Variants in MTHFD2L observed in about 807,000 individuals in gnomAD.
MTHFD2L encodes methylenetetrahydrofolate dehydrogenase (NADP+ dependent) 2 like.
A neutral mutation model predicts 34.9 loss-of-function variants in MTHFD2L; 29 were observed. That is an observed-to-expected ratio of 0.83 (90% CI 0.62 to 1.13). MTHFD2L has a LOEUF of 1.13. Among genes scored for constraint, MTHFD2L ranks in the 50% most tolerant of loss-of-function variants. The pLI is 0.00. For missense variants in MTHFD2L, 481 were observed against 446.5 expected (o/e 1.08, Z -0.70); for synonymous variants, 167 against 155.7 (o/e 1.07, Z -0.54).
chr4:74,194,494 G>A (rs1379925399), intron 3 of MTHFD2L: 1 of 151,902 alleles, frequency 6.6e-6, no homozygotes, highest in Non-Finnish European at 1.5e-5. Flanking sequence ...TTTTACTGAA[G>A]TTTGCAGTTG....
At chr4:74,294,513 TTC>T (rs529229093) in intron 7 of MTHFD2L, among the ~76,000 whole-genome samples, 8 of 152,132 alleles carry the variant, frequency 5.3e-5, no homozygotes, top group East Asian at 1.9e-4. Context: ...ACCACGTACT[TTC>T]TGTTTTATTC....
At chr4:74,262,284 T>C (rs1040929422) in intron 6 of MTHFD2L, among the ~76,000 whole-genome samples, 3 of 151,802 alleles carry the variant, frequency 2.0e-5, no homozygotes, top group African/African-American at 7.3e-5. Context: ...AAATAAAAAT[T>C]ATTGGAGAAC....
chr4:74,174,899 C>T (rs1728733456), intron 2 of MTHFD2L, among the ~76,000 whole-genome samples: 2 of 152,036 alleles, frequency 1.3e-5, no homozygotes, highest in African/African-American at 2.4e-5. Context: ...GTTTTATATT[C>T]TATGGCAAGA....
chr4:74,267,916 C>T (rs1408673687), intron 6 of MTHFD2L: 36 of 985,074 alleles, frequency 3.7e-5, no homozygotes, highest in Non-Finnish European at 4.2e-5. Flanking sequence ...GCCCTACTGG[C>T]CCTGAGCTCT....
At position 74,149,139 on chromosome 4, in the gene MTHFD2L, C is replaced by G. The variant is rs146886104; in HGVS notation, c.-296-10916C>G. Among the ~76,000 whole-genome samples the G allele has an allele frequency of 2.9e-3, 440 of 151,930 alleles. 3 individuals are homozygous for G. Among genetic ancestry groups the G allele is most frequent in the African/African-American group, 9.8e-3 (407 of 41,530 alleles). On this transcript the variant is annotated intron_variant, in intron 1 of 7. Transcript: ENST00000433372. Reference sequence around the variant, plus strand: ...CTCTCATTAGATAGTTTTATCTTCTCAATTCTGATAGTGCCACTTGCTCCA... The same window carrying G: ...CTCTCATTAGATAGTTTTATCTTCTGAATTCTGATAGTGCCACTTGCTCCA...
chr4:74,181,880 A>G (rs766657006), intron 3 of MTHFD2L: 2 of 152,158 alleles, frequency 1.3e-5, no homozygotes, highest in Non-Finnish European at 2.9e-5. Flanking sequence ...TATCGACCTA[A>G]CTAGTAAGCA....
chr4:74,143,033 A>G (rs1224896655), intron 1 of MTHFD2L, among the ~76,000 whole-genome samples: 5 of 152,200 alleles, frequency 3.3e-5, no homozygotes, highest in Non-Finnish European at 7.3e-5. Flanking sequence ...CAGCTTTTGT[A>G]TGGTTTCAGG....
chr4:74,129,829 A>C (rs1299836138), intron 1 of MTHFD2L, among the ~76,000 whole-genome samples: 1 of 152,150 alleles, frequency 6.6e-6, no homozygotes, highest in Non-Finnish European at 1.5e-5. Flanking sequence ...CAAAATAGAT[A>C]GACCACTAGC....
chr4:74,151,843 T>C (rs1042489438), intron 1 of MTHFD2L, among the ~76,000 whole-genome samples: 5 of 152,194 alleles, frequency 3.3e-5, no homozygotes, highest in Non-Finnish European at 7.4e-5. Flanking sequence ...GTTTCCTTCA[T>C]AGGTTTTCCA....
chr4:74,165,091 G>A lies in MTHFD2L; in HGVS notation c.143+6810G>A, dbSNP rs190985049. ...CATTTTTTAGAGTAAAAAGGGGCAC[G>A]AATGTAATGAAAATTATATATTTGG... is the stretch of plus-strand genomic sequence containing the variant. On this transcript the variant is annotated intron_variant, in intron 1 of 7. Coordinates refer to ENST00000325278, the MANE Select transcript of MTHFD2L (RefSeq NM_001144978.3). 9.6e-5 allele frequency: 45 copies of A among 468,652 alleles called. 1 individual carries two copies. In the East Asian group the frequency reaches 5.2e-3, roughly 55 times the overall value. 29.0% of individuals were successfully genotyped at this position (468,652 alleles called of 1,614,324 possible). A position where few individuals can be genotyped will look rare whatever the true frequency, so the allele number is the denominator to read the frequency against.
intron 7 of MTHFD2L, among the ~76,000 whole-genome samples, chr4:74,286,721 T>G (rs1748224723): frequency 6.6e-6 from 1 of 152,208 alleles, no homozygotes; most frequent in African/African-American, 2.4e-5. Flanking sequence ...CTTTTGAAGC[T>G]TTAGTAGCTT....
At chr4:74,124,986 T>C (rs1721972745), upstream of MTHFD2L, among the ~76,000 whole-genome samples, 1 of 152,052 alleles carries the variant, frequency 6.6e-6, no homozygotes, top group South Asian at 2.1e-4. Flanking sequence ...GGTACTGACA[T>C]CTGGTTAGTT....
chr4:74,290,323 T>C (rs1748726614), intron 7 of MTHFD2L, among the ~76,000 whole-genome samples: 1 of 152,210 alleles, frequency 6.6e-6, no homozygotes, highest in Non-Finnish European at 1.5e-5. Context: ...CAGCTTTCTA[T>C]GTTTTCTTTT....
intron 6 of MTHFD2L, among the ~76,000 whole-genome samples, chr4:74,279,749 A>G (rs10014791): frequency 0.06 from 9,122 of 152,144 alleles, 628 homozygotes; most frequent in African/African-American, 0.16. Context: ...ACAGGATTTT[A>G]TGACTATCTG....
Position 74,199,893 on chromosome 4 carries a change from A to G in MTHFD2L, c.551A>G (p.His184Arg). ...INIGRLCLDQ[H>R]SLIPATASAV... ...ATTGGAAGATTGTGCCTTGATCAGC[A>G]TTCTCTCATACCTGCCACTGCCAGT... The change falls in exon 4 of 8, where the codon CAT becomes CGT. Residue 184 changes from histidine (H) to arginine (R), a missense_variant. Coordinates refer to ENST00000325278, the MANE Select transcript of MTHFD2L (RefSeq NM_001144978.3). The G allele has an allele frequency of 6.2e-7, 1 of 1,614,078 alleles. No homozygotes were observed. The highest frequency in any genetic ancestry group is 8.5e-7 in the Non-Finnish European group (1 of 1,179,972).
At chr4:74,188,076 CAAAG>C (rs1264041278) in intron 3 of MTHFD2L, among the ~76,000 whole-genome samples, 1 of 151,600 alleles carries the variant, frequency 6.6e-6, no homozygotes, top group African/African-American at 2.4e-5. Context: ...AGATTAATCT[CAAAG>C]TAATTATGCT....
chr4:74,186,438 G>A (rs200338368), intron 3 of MTHFD2L, among the ~76,000 whole-genome samples: 275 of 88,152 alleles, frequency 3.1e-3, no homozygotes, highest in Non-Finnish European at 3.6e-3. Flanking sequence ...GGGAATCCAT[G>A]AAAAAAAAAA....
rs554112647 is a variant in MTHFD2L at position 74,270,836 on chromosome 4, T to C, written c.806-10589T>C. Among the ~76,000 whole-genome samples, 567 of 152,058 alleles carry C rather than the reference T, an allele frequency of 3.7e-3. 5 individuals are homozygous for C. The highest frequency in any genetic ancestry group is 0.013 in the African/African-American group (538 of 41,404). ...TCCACATCCTCTCCAGCACCTGTTG[T>C]TTCCTGACTTTTTAATGATTGCCAT... On this transcript the variant is annotated intron_variant, in intron 6 of 7. Transcript: ENST00000325278.
At chr4:74,160,812 TAGC>T (rs1725274114) in intron 1 of MTHFD2L, 1 of 152,264 alleles carries the variant, frequency 6.6e-6, no homozygotes, top group Non-Finnish European at 1.5e-5. Flanking sequence ...AGGAGTCTGA[TAGC>T]AGCCCATCCC....
Sources: gnomAD v4.1 joint callset for allele counts (sites outside exome capture counted in the v4.1 genomes callset) on GRCh38, gnomAD v4.1.1 for gene constraint, MANE v1.5 for transcripts, NCBI Gene and HGNC (gene_info 2026-07-23, HGNC 2026-07-21) for gene names.